USP32: variants seen among roughly 807,000 people sequenced by gnomAD.
USP32 encodes the protein ubiquitin carboxyl-terminal hydrolase 32.
A neutral mutation model predicts 204.8 loss-of-function variants in USP32; 59 were observed. The ratio of observed to expected loss-of-function variants is 0.29; its 90% CI spans 0.23 to 0.36. The LOEUF (loss-of-function observed/expected upper bound fraction) is 0.36. Ranked by LOEUF, USP32 falls within the 10% of genes least tolerant of loss-of-function variation. USP32 has a pLI of 1.00. For missense variants in USP32, 1,160 were observed against 1,946.4 expected (o/e 0.60, Z 7.60); for synonymous variants, 517 against 678.4 (o/e 0.76, Z 3.70).
At chr17:60,343,022 T>C (rs1434551951) in intron 2 of USP32, among the ~76,000 whole-genome samples, 1 of 152,174 alleles carries the variant, frequency 6.6e-6, no homozygotes, top group Non-Finnish European at 1.5e-5. Context: ...CGCTGGGAGC[T>C]GCAGACCAGA....
In USP32 at chr17:60,252,461, A is replaced by T. The variant is rs2086193336; in HGVS notation, c.1075-19T>A. Reference sequence around the variant, plus strand: ...GACACACCTAGGGAAAAAAATGGTAAATCAAAGTTTATTAACTGCATAATA... The same window carrying T: ...GACACACCTAGGGAAAAAAATGGTATATCAAAGTTTATTAACTGCATAATA... On this transcript the variant is annotated intron_variant, in intron 10 of 33. Transcript: ENST00000300896. The T allele has an allele frequency of 1.7e-5, 27 of 1,595,672 alleles. No homozygotes were observed. Among genetic ancestry groups the T allele is most frequent in the Non-Finnish European group, 2.1e-5 (24 of 1,169,208 alleles).
intron 11 of USP32, among the ~76,000 whole-genome samples, chr17:60,250,790 G>A (rs55836414): frequency 0.046 from 6,950 of 151,880 alleles, 574 homozygotes; most frequent in African/African-American, 0.16. Flanking sequence ...CATCTCAAAA[G>A]AAAAACCAAG....
chr17:60,421,714 C>G (rs2090117464), intron 1 of USP32: 16 of 800,998 alleles, frequency 2.0e-5, no homozygotes, highest in African/African-American at 3.7e-5. Context: ...CGGCCCTGCC[C>G]GGCCAACTCA....
At chr17:60,395,415 G>A (rs1207364419), upstream of USP32, among the ~76,000 whole-genome samples, 1 of 152,160 alleles carries the variant, frequency 6.6e-6, no homozygotes, top group East Asian at 1.9e-4. Context: ...TGTGTCTGAT[G>A]GGAATTTTAA....
chr17:60,204,955 T>G (rs1257698739), intron 26 of USP32, among the ~76,000 whole-genome samples: 3 of 146,674 alleles, frequency 2.0e-5, no homozygotes, highest in Non-Finnish European at 4.4e-5. Context: ...AAAAAAGAAG[T>G]CTTTTTTTTT....
At chr17:60,373,711 A>G (rs1007719172) in intron 1 of USP32, among the ~76,000 whole-genome samples, 1 of 151,968 alleles carries the variant, frequency 6.6e-6, no homozygotes, top group Non-Finnish European at 1.5e-5. Flanking sequence ...TCGTCCTCCC[A>G]CAGTGTTGGG....
intron 1 of USP32, chr17:60,421,825 A>C (rs1948635323): frequency 1.0e-6 from 1 of 982,876 alleles, no homozygotes; most frequent in Admixed American, 6.2e-5. Context: ...TTTCGCCGAC[A>C]CCCGGCTCCC....
chr17:60,371,972 C>A (rs994891804), intron 1 of USP32, among the ~76,000 whole-genome samples: 2 of 152,124 alleles, frequency 1.3e-5, no homozygotes, highest in East Asian at 3.9e-4. Context: ...AGCTGTGAAT[C>A]CTACGCATAT....
At chr17:60,213,870 T>A (rs2085034080) in intron 17 of USP32, among the ~76,000 whole-genome samples, 1 of 152,184 alleles carries the variant, frequency 6.6e-6, no homozygotes. Flanking sequence ...AAGCGTTATC[T>A]TTCTCTTTTT....
chr17:60,244,818 G>A (rs1361997694), intron 11 of USP32, among the ~76,000 whole-genome samples: 2 of 152,198 alleles, frequency 1.3e-5, no homozygotes, highest in East Asian at 1.9e-4. Flanking sequence ...TTTGAGTAGA[G>A]ACGAGGTTTT....
chr17:60,301,814 T>C, intron 2 of USP32, 110 bp from the exon 3 acceptor site: 1 of 705,838 alleles, frequency 1.4e-6, no homozygotes, highest in Non-Finnish European at 2.4e-6. Context: ...CAGGCCCTGG[T>C]AAATTTTAGT....
chr17:60,402,220 T>A (rs917612575), intron 1 of USP32, among the ~76,000 whole-genome samples: 7 of 150,686 alleles, frequency 4.6e-5, no homozygotes, highest in African/African-American at 1.7e-4. Context: ...ATTTTCTCCA[T>A]CCTCAATATT....
rs540100752 is a variant in USP32 at position 60,420,375 on chromosome 17, G to T, written c.106+1871C>A. Among the ~76,000 whole-genome samples the T allele has an allele frequency of 5.3e-5, 8 of 152,230 alleles. No homozygotes were observed. In the East Asian group the frequency reaches 7.7e-4, roughly 15 times the overall value. On this transcript the variant is annotated intron_variant, in intron 1 of 3. Transcript: ENST00000588898. Reference sequence around the variant, plus strand: ...TCCTTATGAGTAGATTTTTAAAAAAGACTCTTTCCTGGCCGGACGCGGTGG... The same window carrying T: ...TCCTTATGAGTAGATTTTTAAAAAATACTCTTTCCTGGCCGGACGCGGTGG...
chr17:60,346,753 C>A (rs974119623), intron 1 of USP32, among the ~76,000 whole-genome samples: 3 of 152,076 alleles, frequency 2.0e-5, no homozygotes, highest in Admixed American at 2.0e-4. Flanking sequence ...AGAATTCTTC[C>A]AGATGAAGAT....
intron 11 of USP32, chr17:60,249,187 C>A (rs896177638): frequency 6.6e-5 from 10 of 152,246 alleles, no homozygotes; most frequent in African/African-American, 2.2e-4. Flanking sequence ...GTAACATTCA[C>A]ACCCTTTTCC....
At chr17:60,390,421 A>C (rs1328890219) in intron 1 of USP32, among the ~76,000 whole-genome samples, 1 of 152,234 alleles carries the variant, frequency 6.6e-6, no homozygotes, top group Non-Finnish European at 1.5e-5. Context: ...CCCGGAAATG[A>C]CTAGCCTACT....
intron 1 of USP32, among the ~76,000 whole-genome samples, chr17:60,414,143 A>T (rs2143099086): frequency 6.6e-6 from 1 of 152,144 alleles, no homozygotes; most frequent in Middle Eastern, 3.4e-3. Context: ...TGGGCAGATC[A>T]CTTGAGGTCA....
chr17:60,277,845 T>A (rs535730405), intron 5 of USP32, among the ~76,000 whole-genome samples: 1 of 152,058 alleles, frequency 6.6e-6, no homozygotes, highest in African/African-American at 2.4e-5. Context: ...AGAATAGATA[T>A]ATGTTTTCTT....
intron 1 of USP32, among the ~76,000 whole-genome samples, chr17:60,365,084 T>C (rs1321725721): frequency 6.6e-6 from 1 of 152,078 alleles, no homozygotes; most frequent in African/African-American, 2.4e-5. Context: ...AAAGGGAAAG[T>C]TTTTTTTAAA....
Sources: allele counts gnomAD v4.1 joint callset (sites outside exome capture counted in the v4.1 genomes callset), GRCh38; gene constraint gnomAD v4.1.1; transcripts MANE v1.5; gene names NCBI Gene and HGNC (gene_info 2026-07-23, HGNC 2026-07-21).